ESRRB: variants seen among roughly 807,000 people sequenced by gnomAD.
The protein encoded by ESRRB is estrogen related receptor beta.
In ESRRB, 16 loss-of-function variants were observed where a neutral mutation model predicts 46.0. The ratio of observed to expected loss-of-function variants is 0.35; its 90% CI spans 0.24 to 0.53. The LOEUF (loss-of-function observed/expected upper bound fraction) is 0.53, where lower values mean the gene tolerates loss of function less well. Ranked by LOEUF, ESRRB falls within the 20% of genes least tolerant of loss-of-function variation. The probability of loss-of-function intolerance (pLI) is 0.93; values close to 1 mark genes in which losing one functional copy is unlikely to be tolerated. For missense variants in ESRRB, 488 were observed against 607.4 expected (o/e 0.80, Z 2.07); for synonymous variants, 246 against 259.6 (o/e 0.95, Z 0.50).
At chr14:76,441,758 G>A (rs1887932367) in intron 2 of ESRRB, among the ~76,000 whole-genome samples, 1 of 152,218 alleles carries the variant, frequency 6.6e-6, no homozygotes, top group African/African-American at 2.4e-5. Flanking sequence ...TACTCATGCA[G>A]GTCACTGCGA....
At chr14:76,462,161 T>TGTGGTG (rs61608653) in intron 2 of ESRRB, among the ~76,000 whole-genome samples, 6 of 151,486 alleles carry the variant, frequency 4.0e-5, no homozygotes, top group Non-Finnish European at 7.4e-5. Flanking sequence ...TGGAGGAGCC[T>TGTGGTG]GTGGTGGTGG....
At position 76,500,071 on chromosome 14, in the gene ESRRB, CT is replaced by C. The variant is rs755621850; in HGVS notation, c.*1616del. 1 of 1,548,876 alleles carries C rather than the reference CT, an allele frequency of 6.5e-7. No individual in the cohort carries two copies. The highest frequency in any genetic ancestry group is 8.7e-7 in the Non-Finnish European group (1 of 1,144,730). The stretch of plus-strand genomic sequence containing the variant: ...ACTAGGACACCAGGAGGCCAGGTAA[CT>C]TTCTGCAGCTTTTCCATAGAAGCCC... On this transcript the variant is annotated 3_prime_UTR_variant, in exon 7 of 7. Transcript: ENST00000644823.
intron 1 of ESRRB, among the ~76,000 whole-genome samples, chr14:76,351,986 T>TAAAAAAAAAAAAAAAAAAAAA (rs201356393): frequency 1.1e-5 from 1 of 91,776 alleles, no homozygotes; most frequent in Non-Finnish European, 2.1e-5. Context: ...CCCAGTCTCT[T>TAAAAAAAAAAAAAAAAAAAAA]AAAAAAAAAA....
chr14:76,374,395 G>GTAAA, upstream of ESRRB, among the ~76,000 whole-genome samples: 1 of 152,320 alleles, frequency 6.6e-6, no homozygotes, highest in South Asian at 2.1e-4. Context: ...GGTGGCAGAT[G>GTAAA]TAAAGACTGG....
intron 1 of ESRRB, among the ~76,000 whole-genome samples, chr14:76,347,087 C>T (rs1164736079): frequency 6.6e-6 from 1 of 152,170 alleles, no homozygotes; most frequent in Non-Finnish European, 1.5e-5. Flanking sequence ...GTCCCTTACC[C>T]TGGCCTCTTG....
chr14:76,465,405 G>A lies in ESRRB; in HGVS notation c.577+2744G>A, dbSNP rs1889063168. Among the ~76,000 whole-genome samples the A allele has an allele frequency of 3.9e-5, 6 of 152,202 alleles. No individual in the cohort carries two copies. In the South Asian group the frequency reaches 1.2e-3, roughly 32 times the overall value. On this transcript the variant is annotated intron_variant, in intron 3 of 6. Transcript: ENST00000644823. ...AAGGGCACTTTCTAGTGGCTTCCCA[G>A]AAAGCAGGAGATGGTGAAGGGGTGC...
Position 76,450,610 on chromosome 14 carries a change from G to C in ESRRB, c.460+10860G>C, listed in dbSNP as rs112097202. Among the ~76,000 whole-genome samples the C allele has an allele frequency of 3.8e-3, 567 of 150,774 alleles. 3 individuals carry two copies. The highest frequency in any genetic ancestry group is 0.013 in the African/African-American group (525 of 41,424). ...ACAGTGCTTCCTCCATTCACCTGGG[G>C]CCCAGATGCAGGCTTGGAAGAAAAC... On this transcript the variant is annotated intron_variant, in intron 2 of 6. Transcript: ENST00000644823.
intron 1 of ESRRB, among the ~76,000 whole-genome samples, chr14:76,326,462 C>T (rs1187145448): frequency 3.3e-5 from 5 of 152,098 alleles, no homozygotes; most frequent in Non-Finnish European, 7.4e-5. Context: ...CTTGTCTGTG[C>T]AAAGGGAACA....
At chr14:76,334,313 A>T (rs1323027155) in intron 1 of ESRRB, among the ~76,000 whole-genome samples, 1 of 151,756 alleles carries the variant, frequency 6.6e-6, no homozygotes, top group African/African-American at 2.4e-5. Flanking sequence ...TCGAGAATAT[A>T]CTCTGGAGAG....
rs117223537 is a variant in ESRRB at position 76,432,594 on chromosome 14, C to G, written c.51-6747C>G. 1.1e-4 allele frequency among the ~76,000 whole-genome samples: 17 copies of G among 151,372 alleles called. 1 individual carries two copies. The East Asian group carries it at 2.9e-3, about 26-fold the overall frequency. On this transcript the variant is annotated intron_variant, in intron 1 of 6. Coordinates refer to ENST00000644823, the MANE Select transcript of ESRRB (RefSeq NM_001379180.1). ...AAAGAGGGCCTCACTCAATGCCCCC[C>G]TCTGCCACCTACAAACTTCTCATCT...
chr14:76,333,121 A>ATAT (rs1566853816), intron 1 of ESRRB, among the ~76,000 whole-genome samples: 110 of 7,788 alleles, frequency 0.014, 35 homozygotes, highest in African/African-American at 0.051. Context: ...AATATATAAT[A>ATAT]TATATATTAT....
Position 76,456,374 on chromosome 14 carries a change from T to G in ESRRB, c.461-6171T>G, listed in dbSNP as rs1888615258. ...GGGCCAGAGAACCCATAAACTTGTC[T>G]GGGAAAGTTATTAACTGACCTCCAG... On this transcript the variant is annotated intron_variant, in intron 2 of 6. Transcript: ENST00000644823. 2.0e-5 allele frequency among the ~76,000 whole-genome samples: 3 copies of G among 152,108 alleles called. 1 individual carries two copies. The South Asian group carries it at 6.2e-4, about 32-fold the overall frequency.
chr14:76,359,590 C>T (rs1884439326), intron 1 of ESRRB, among the ~76,000 whole-genome samples: 1 of 152,158 alleles, frequency 6.6e-6, no homozygotes, highest in African/African-American at 2.4e-5. Flanking sequence ...AGGGTTGAAG[C>T]CCAGGTCCAG....
At chr14:76,336,460 C>A (rs1161910425) in intron 1 of ESRRB, among the ~76,000 whole-genome samples, 1 of 152,252 alleles carries the variant, frequency 6.6e-6, no homozygotes, top group Non-Finnish European at 1.5e-5. Flanking sequence ...CAGAAAGGCC[C>A]ATGACCTTGC....
At chr14:76,388,697 A>T (rs1885345169) in intron 1 of ESRRB, among the ~76,000 whole-genome samples, 1 of 152,210 alleles carries the variant, frequency 6.6e-6, no homozygotes, top group African/African-American at 2.4e-5. Context: ...AAGCTGTAGG[A>T]AGGAACTTTT....
chr14:76,482,558 C>T lies in ESRRB; in HGVS notation c.689-40C>T, dbSNP rs924364944. 6.8e-6 allele frequency: 11 copies of T among 1,613,268 alleles called. No homozygotes were observed. The Admixed American group carries it at 1.8e-4, about 27-fold the overall frequency. On this transcript the variant is annotated intron_variant, in intron 4 of 6. Transcript: ENST00000644823. The surrounding 1 kb of genome is among the most constrained non-coding windows in gnomAD (Gnocchi z 4.3). ...GAGCCTCCACCCCGGCCCCTTTCCT[C>T]TTTTCCCAGCATTTACCTTTCCCTC... is the stretch of plus-strand genomic sequence containing the variant.
rs184235404 is a variant in ESRRB, at chr14:76,419,569, G to A, written c.51-19772G>A. ...TTTCATTGCTGGGTAAGCCCCTGGT[G>A]AGACTGATTACCCTGAAGACATTCA... On this transcript the variant is annotated intron_variant, in intron 1 of 6. Transcript: ENST00000644823. Among the ~76,000 whole-genome samples, 63 of 152,300 alleles carry A rather than the reference G, an allele frequency of 4.1e-4. 1 individual carries two copies. Among genetic ancestry groups the A allele is most frequent in the African/African-American group, 1.4e-3 (60 of 41,578 alleles).
At chr14:76,422,584 G>A (rs1454465114) in intron 1 of ESRRB, among the ~76,000 whole-genome samples, 5 of 152,122 alleles carry the variant, frequency 3.3e-5, no homozygotes, top group African/African-American at 1.2e-4. Context: ...CCCTTGCTGT[G>A]GCTGCCAGGA....
chr14:76,333,697 C>G (rs866498771), intron 1 of ESRRB, among the ~76,000 whole-genome samples: 1 of 151,332 alleles, frequency 6.6e-6, no homozygotes, highest in Non-Finnish European at 1.5e-5. Flanking sequence ...CCCAATATAT[C>G]AAAATATTAT....
Sources: allele counts gnomAD v4.1 joint callset (sites outside exome capture counted in the v4.1 genomes callset), GRCh38; gene constraint gnomAD v4.1.1; non-coding constraint Gnocchi (gnomAD v3.1); transcripts MANE v1.5; gene names NCBI Gene and HGNC (gene_info 2026-07-23, HGNC 2026-07-21).